The following SOAT2 variants were observed in gnomAD, a reference collection of about 807,000 sequenced individuals.
SOAT2 encodes the protein sterol O-acyltransferase 2, also known as ACAT-2.
Under a neutral mutation model 76.0 loss-of-function variants are expected in SOAT2, and 87 were observed. The observed-to-expected ratio is 1.14, with a 90% CI of 0.96 to 1.37. The LOEUF is 1.37. Among genes scored for constraint, SOAT2 ranks in the 40% most tolerant of loss-of-function variants. SOAT2 has a pLI of 0.00. For synonymous variants in SOAT2, 285 were observed against 275.4 expected, an observed-to-expected ratio of 1.03 and a Z score of -0.34; for missense variants, 686 against 682.1, an observed-to-expected ratio of 1.01 and a Z score of -0.06.
At chr12:53,113,562 G>T (rs1565627259) in intron 5 of SOAT2, among the ~76,000 whole-genome samples, 1 of 152,202 alleles carries the variant, frequency 6.6e-6, no homozygotes, top group Non-Finnish European at 1.5e-5. Flanking sequence ...CAAACTGAAG[G>T]TTGGGCTGCT....
chr12:53,103,727 G>A, intron 1 of SOAT2, 68 bp downstream of exon 1: 1 of 1,263,918 alleles, frequency 7.9e-7, no homozygotes, highest in Non-Finnish European at 1.1e-6. Flanking sequence ...ATGCGCTATG[G>A]AGAGAAGGCT....
chr12:53,122,598 A>G (rs1392715512), intron 12 of SOAT2, among the ~76,000 whole-genome samples: 1 of 151,966 alleles, frequency 6.6e-6, no homozygotes, highest in Non-Finnish European at 1.5e-5. Flanking sequence ...CCCTTAATCC[A>G]TTTAACCCTG....
chr12:53,118,288 GC>G (rs1338847119), intron 7 of SOAT2, 61 bp from the exon 8 acceptor site: 15 of 515,450 alleles, frequency 2.9e-5, no homozygotes, highest in Non-Finnish European at 5.0e-5. Flanking sequence ...TTCCCCAGCA[GC>G]CCCCTCACCT....
chr12:53,124,492 A>G lies in SOAT2; in HGVS notation c.*369A>G, dbSNP rs1205739075. ...AAAAGGGTTTGGTTCTTGACTTTGTATTCCTTCCAATACAGCAATAAACTT... is the reference window on the plus strand; with the variant it reads ...AAAAGGGTTTGGTTCTTGACTTTGTGTTCCTTCCAATACAGCAATAAACTT... On this transcript the variant is annotated 3_prime_UTR_variant, in exon 15 of 15. Transcript: ENST00000301466. The G allele has an allele frequency of 1.2e-5, 3 of 260,088 alleles. No homozygotes were observed. Among genetic ancestry groups the G allele is most frequent in the Non-Finnish European group, 2.2e-5 (3 of 135,900 alleles). The allele number at this position is 260,088 out of a possible 1,614,324, so 16.1% of individuals were successfully genotyped here. A position where few individuals can be genotyped will look rare whatever the true frequency, so the allele number is the denominator to read the frequency against.
chr12:53,110,494 C>G (rs1021600323), intron 5 of SOAT2, among the ~76,000 whole-genome samples: 1 of 152,222 alleles, frequency 6.6e-6, no homozygotes, highest in African/African-American at 2.4e-5. Flanking sequence ...AGGACTTCCA[C>G]AGACAATCTC....
chr12:53,113,524 G>A (rs1263390189), intron 5 of SOAT2, among the ~76,000 whole-genome samples: 1 of 152,184 alleles, frequency 6.6e-6, no homozygotes, highest in African/African-American at 2.4e-5. Flanking sequence ...GTCTCTCCTG[G>A]CTGGCTTGCC....
At chr12:53,120,592 T>C (rs886247492) in intron 10 of SOAT2, among the ~76,000 whole-genome samples, 194 bp from the exon 11 acceptor site, 1 of 144,674 alleles carries the variant, frequency 6.9e-6, no homozygotes, top group Non-Finnish European at 1.5e-5. Context: ...CGAGCTATGA[T>C]CACACCACTG....
chr12:53,122,790 C>T (rs1268256297), intron 12 of SOAT2, among the ~76,000 whole-genome samples: 3 of 152,234 alleles, frequency 2.0e-5, no homozygotes, highest in Non-Finnish European at 2.9e-5. Context: ...CCTTTCCCCC[C>T]TTTCTATTCC....
At chr12:53,123,308 CGCCCCCAGGCCTGGAGGCAAG>C (rs1565629755) in intron 13 of SOAT2, 92 bp downstream of exon 13, 1 of 1,498,498 alleles carries the variant, frequency 6.7e-7, no homozygotes, top group African/African-American at 1.4e-5. Context: ...TGGGAGGCCT[CGCCCCCAGGCCTGGAGGCAAG>C]GCTGCTGAGA....
At chr12:53,121,844 T>C (rs1366301121) in intron 12 of SOAT2, among the ~76,000 whole-genome samples, 2 of 134,052 alleles carry the variant, frequency 1.5e-5, no homozygotes, top group Non-Finnish European at 3.1e-5. Context: ...TCCAGCCTTG[T>C]TGCCCAGGCT....
At chr12:53,110,294 C>T (rs150504247) in intron 5 of SOAT2, among the ~76,000 whole-genome samples, 8 of 152,270 alleles carry the variant, frequency 5.3e-5, no homozygotes, top group African/African-American at 1.7e-4. Context: ...CTAGGTGTGG[C>T]GCCTAGGACC....
chr12:53,109,096 GC>G (rs1053011737), intron 5 of SOAT2, among the ~76,000 whole-genome samples: 2 of 152,116 alleles, frequency 1.3e-5, no homozygotes, highest in African/African-American at 4.8e-5. Context: ...AATTAGCTGA[GC>G]ATGGTGGCGC....
chr12:53,124,216 T>G lies in SOAT2; in HGVS notation c.*93T>G. ...GGACTCCTGTCTGCATTCCCAAATT[T>G]GGCTCTGAGTCGAGGCAACCTGCAC... On this transcript the variant is annotated 3_prime_UTR_variant, in exon 15 of 15. Transcript: ENST00000301466. 7.1e-7 allele frequency: 1 copy of G among 1,417,780 alleles called. No homozygotes were observed. The highest frequency in any genetic ancestry group is 1.0e-6 in the Non-Finnish European group (1 of 1,004,698). The allele number at this position is 1,417,780 out of a possible 1,614,324, so 87.8% of individuals were successfully genotyped here. A position where few individuals can be genotyped will look rare whatever the true frequency, so the allele number is the denominator to read the frequency against.
chr12:53,124,051 G>A (rs370558963), intron 14 of SOAT2, 22 bp from the exon 15 acceptor site: 35 of 1,614,062 alleles, frequency 2.2e-5, no homozygotes, highest in Admixed American at 3.3e-5. Flanking sequence ...TCTCATTCAC[G>A]ACTTATTCTT....
chr12:53,107,384 CT>C (rs1937952123), intron 5 of SOAT2, among the ~76,000 whole-genome samples: 1 of 152,072 alleles, frequency 6.6e-6, no homozygotes, highest in Admixed American at 6.5e-5. Flanking sequence ...GGCTACTGCT[CT>C]TTTCTTCTGA....
In SOAT2 at chr12:53,123,278, T is replaced by C; in HGVS notation, c.1372+62T>C. On this transcript the variant is annotated intron_variant, in intron 13 of 14. Coordinates refer to ENST00000301466, the MANE Select transcript of SOAT2 (RefSeq NM_003578.4). ...CAGAGGGAGGCCTGCATCCTGCTCCTGCAGATCCCAGACTGATGGTGGGAG... is the reference window on the plus strand; with the variant it reads ...CAGAGGGAGGCCTGCATCCTGCTCCCGCAGATCCCAGACTGATGGTGGGAG... The C allele has an allele frequency of 2.5e-6, 4 of 1,599,876 alleles. No homozygotes were observed. The South Asian group carries it at 4.4e-5, about 18-fold the overall frequency.
chr12:53,123,016 G>A, intron 12 of SOAT2, 65 bp from the exon 13 acceptor site: 4 of 1,484,090 alleles, frequency 2.7e-6, no homozygotes, highest in African/African-American at 1.4e-5. Context: ...GGGGGCTGGA[G>A]GTGGGGGCTC....
At chr12:53,124,039 G>C (rs751927889) in intron 14 of SOAT2, 34 bp from the exon 15 acceptor site, 3 of 1,613,574 alleles carry the variant, frequency 1.9e-6, no homozygotes, top group Non-Finnish European at 2.5e-6. Context: ...CACCAGGAAT[G>C]ATCTCATTCA....
At chr12:53,122,464 G>T (rs1157068948) in intron 12 of SOAT2, among the ~76,000 whole-genome samples, 2 of 144,368 alleles carry the variant, frequency 1.4e-5, no homozygotes, top group East Asian at 3.9e-4. Flanking sequence ...GTTTTCCTAG[G>T]CAGAGGACCC....
Sources: gnomAD v4.1 joint callset for allele counts (sites outside exome capture counted in the v4.1 genomes callset) on GRCh38, gnomAD v4.1.1 for gene constraint, MANE v1.5 for transcripts, NCBI Gene and HGNC (gene_info 2026-07-23, HGNC 2026-07-21) for gene names.